Variants in TMC1 observed in about 807,000 individuals in gnomAD.
TMC1 encodes the protein transmembrane channel like 1.
Under a neutral mutation model 105.8 loss-of-function variants are expected in TMC1, and 84 were observed. The observed-to-expected ratio is 0.79, with a 90% CI of 0.67 to 0.95. The LOEUF is 0.95. TMC1 is among the 40% of genes least tolerant of loss of function. The pLI, the probability that TMC1 is intolerant of heterozygous loss-of-function variation, is 0.00. For synonymous variants in TMC1, 315 were observed against 311.5 expected, an observed-to-expected ratio of 1.01 and a Z score of -0.12; for missense variants, 817 against 914.1, an observed-to-expected ratio of 0.89 and a Z score of 1.37.
intron 6 of TMC1, among the ~76,000 whole-genome samples, chr9:72,693,439 CT>C (rs1826501806): frequency 6.6e-6 from 1 of 152,132 alleles, no homozygotes; most frequent in South Asian, 2.1e-4. Context: ...CTTGTCTCTC[CT>C]TTGGAAAGAG....
chr9:72,574,358 A>G (rs1217314369), intron 1 of TMC1, among the ~76,000 whole-genome samples: 1 of 152,246 alleles, frequency 6.6e-6, no homozygotes, highest in Non-Finnish European at 1.5e-5. Context: ...TGGCTGCTCC[A>G]GCATGGGTTG....
intron 8 of TMC1, among the ~76,000 whole-genome samples, chr9:72,713,753 G>C (rs1038038459): frequency 1.4e-5 from 2 of 142,046 alleles, no homozygotes; most frequent in African/African-American, 5.3e-5. Context: ...AGGGCTTTTT[G>C]TATCTCTGTC....
At chr9:72,555,973 C>CAAAAAAAAAAAA (rs59431883) in intron 1 of TMC1, among the ~76,000 whole-genome samples, 1 of 42,578 alleles carries the variant, frequency 2.3e-5, no homozygotes, top group African/African-American at 9.5e-5. Flanking sequence ...ATGACTAAGG[C>CAAAAAAAAAAAA]AAAAAAAAAA....
At chr9:72,572,958 C>T (rs1279141452) in intron 1 of TMC1, among the ~76,000 whole-genome samples, 4 of 152,052 alleles carry the variant, frequency 2.6e-5, no homozygotes, top group African/African-American at 9.7e-5. Context: ...CACCATTGCA[C>T]TCCAACACAG....
At chr9:72,783,705 G>A (rs922928686) in intron 13 of TMC1, among the ~76,000 whole-genome samples, 4 of 151,996 alleles carry the variant, frequency 2.6e-5, no homozygotes, top group Non-Finnish European at 5.9e-5. Context: ...TAGACCAATG[G>A]AATAAGTTAG....
chr9:72,563,193 G>A (rs752756879), intron 1 of TMC1, among the ~76,000 whole-genome samples: 29 of 152,156 alleles, frequency 1.9e-4, no homozygotes, highest in Non-Finnish European at 3.2e-4. Flanking sequence ...TTTGGTGGTG[G>A]ATGGAGATGC....
At chr9:72,781,693 C>A (rs529887756) in intron 13 of TMC1, among the ~76,000 whole-genome samples, 2 of 152,240 alleles carry the variant, frequency 1.3e-5, no homozygotes, top group South Asian at 4.1e-4. Context: ...CCTCTATGCA[C>A]ACAAACTAGA....
chr9:72,588,828 T>TGCA (rs1283044630), intron 2 of TMC1, among the ~76,000 whole-genome samples: 8 of 149,910 alleles, frequency 5.3e-5, no homozygotes, highest in African/African-American at 2.0e-4. Flanking sequence ...CAGGCTGGAG[T>TGCA]GCAATGGCGT....
At chr9:72,727,224 A>T (rs1279427146) in intron 8 of TMC1, among the ~76,000 whole-genome samples, 1 of 152,012 alleles carries the variant, frequency 6.6e-6, no homozygotes, top group Non-Finnish European at 1.5e-5. Context: ...ATCTTCAGCA[A>T]CTCTGAAGCC....
At chr9:72,834,055 A>G (rs1829082340) in intron 23 of TMC1, among the ~76,000 whole-genome samples, 2 of 146,222 alleles carry the variant, frequency 1.4e-5, no homozygotes, top group East Asian at 2.0e-4. Context: ...TAGAATTTCT[A>G]ATTTATTTTT....
At chr9:72,634,468 A>C (rs2132138001) in intron 4 of TMC1, among the ~76,000 whole-genome samples, 1 of 152,254 alleles carries the variant, frequency 6.6e-6, no homozygotes, top group African/African-American at 2.4e-5. Flanking sequence ...CATAAGCCCA[A>C]CCTTGTGGAC....
chr9:72,833,082 T>C (rs935107949), intron 23 of TMC1, among the ~76,000 whole-genome samples: 8 of 152,196 alleles, frequency 5.3e-5, no homozygotes, highest in Admixed American at 1.3e-4. Flanking sequence ...ATAATAATTT[T>C]AATAGATAAT....
intron 5 of TMC1, among the ~76,000 whole-genome samples, chr9:72,669,668 A>G (rs1230244731): frequency 6.6e-6 from 1 of 152,156 alleles, no homozygotes; most frequent in African/African-American, 2.4e-5. Context: ...GAGAAAGGGT[A>G]AGAGATAGCT....
intron 5 of TMC1, among the ~76,000 whole-genome samples, chr9:72,685,813 T>G (rs1188743822): frequency 2.0e-5 from 3 of 152,186 alleles, no homozygotes; most frequent in African/African-American, 7.2e-5. Flanking sequence ...GAATTTTCAG[T>G]TTCCAAAATA....
At chr9:72,602,366 A>ATT (rs66682329) in intron 2 of TMC1, among the ~76,000 whole-genome samples, 110 of 86,550 alleles carry the variant, frequency 1.3e-3, no homozygotes, top group African/African-American at 2.4e-3. Context: ...CCTATTGGTG[A>ATT]TTTTTTTTTT....
chr9:72,619,070 A>T (rs1825194748), intron 3 of TMC1, among the ~76,000 whole-genome samples: 1 of 152,178 alleles, frequency 6.6e-6, no homozygotes. Context: ...ACAGAGCAGA[A>T]CACATACAAA....
At position 72,788,376 on chromosome 9, in the gene TMC1, GACA is replaced by G. The variant is rs778174231; in HGVS notation, c.926_928del (p.Asn309del). 2 of 1,614,006 alleles carry G rather than the reference GACA, an allele frequency of 1.2e-6. No homozygotes were observed. Among genetic ancestry groups the G allele is most frequent in the South Asian group, 2.2e-5 (2 of 91,080 alleles). On this transcript the variant is annotated inframe_deletion, in exon 14 of 24. Transcript: ENST00000297784. The stretch of plus-strand genomic sequence containing the variant: ...CATTGGTGATGATGGAGGTGGAGAT[GACA>G]ACACTTTCAATTTCAGCTGGAAGGT...
intron 5 of TMC1, among the ~76,000 whole-genome samples, chr9:72,671,713 CT>C (rs1826128995): frequency 6.6e-6 from 1 of 152,060 alleles, no homozygotes; most frequent in South Asian, 2.1e-4. Flanking sequence ...CAAAGGATGA[CT>C]GTATATTTTT....
At chr9:72,567,030 A>T (rs950159482) in intron 1 of TMC1, among the ~76,000 whole-genome samples, 4 of 152,156 alleles carry the variant, frequency 2.6e-5, no homozygotes, top group Non-Finnish European at 5.9e-5. Context: ...GTGTGGGGGC[A>T]GATGTTCCTT....
Sources: gnomAD v4.1 joint callset for allele counts (sites outside exome capture counted in the v4.1 genomes callset) on GRCh38, gnomAD v4.1.1 for gene constraint, MANE v1.5 for transcripts, NCBI Gene and HGNC (gene_info 2026-07-23, HGNC 2026-07-21) for gene names.